The following DDR1 variants were observed in gnomAD, a reference collection of about 807,000 sequenced individuals.
DDR1 encodes discoidin domain receptor tyrosine kinase 1.
Under a neutral mutation model 97.4 loss-of-function variants are expected in DDR1, and 64 were observed. That is an observed-to-expected ratio of 0.66 (90% confidence interval 0.54 to 0.81). The LOEUF is 0.81. DDR1 is among the 30% of genes least tolerant of loss of function. The pLI, the probability that DDR1 is intolerant of heterozygous loss-of-function variation, is 0.00. For missense variants in DDR1, 990 were observed against 1,259.6 expected (o/e 0.79, Z 3.24); for synonymous variants, 458 against 503.7 (o/e 0.91, Z 1.21).
chr6:30,894,410 T>G lies in DDR1; in HGVS notation c.1348-96T>G, dbSNP rs1398804585. The G allele has an allele frequency of 1.6e-6, 2 of 1,266,346 alleles. No homozygotes were observed. Among genetic ancestry groups the G allele is most frequent in the East Asian group, 5.1e-5 (2 of 39,452 alleles). 78.4% of individuals were successfully genotyped at this position (1,266,346 alleles called of 1,614,324 possible). On this transcript the variant is annotated intron_variant, in intron 10 of 17. Coordinates refer to ENST00000376568, the MANE Select transcript of DDR1 (RefSeq NM_001297654.2). The surrounding 1 kb of genome is among the most constrained non-coding windows in gnomAD (Gnocchi z 5.7). ...AGTATCCACAGCTGTAGGGCTCTTGTGAGGGCTGAGGGAGGGAACGCAGGG... is the reference window on the plus strand; with the variant it reads ...AGTATCCACAGCTGTAGGGCTCTTGGGAGGGCTGAGGGAGGGAACGCAGGG...
In DDR1 at chr6:30,891,533, G is replaced by GTGTGTA; in HGVS notation, c.665+59_665+60insATGTGT. 1.2e-6 allele frequency: 1 copy of GTGTGTA among 800,662 alleles called. No individual in the cohort carries two copies. The highest frequency in any genetic ancestry group is 2.0e-6 in the Non-Finnish European group (1 of 494,636). 49.6% of individuals were successfully genotyped at this position (800,662 alleles called of 1,614,324 possible). A position where few individuals can be genotyped will look rare whatever the true frequency, so the allele number is the denominator to read the frequency against. ...TTTGGGGTGGGAGGGAGGACTGTGT[G>GTGTGTA]TGTGTGTGTGTGTGTGTGTGTGTGA... is the stretch of plus-strand genomic sequence containing the variant. On this transcript the variant is annotated intron_variant, in intron 6 of 17. Coordinates refer to ENST00000376568, the MANE Select transcript of DDR1 (RefSeq NM_001297654.2). This position sits in a 1 kb window ranked among gnomAD's most constrained non-coding sequence, Gnocchi z 5.3.
At position 30,888,934 on chromosome 6, in the gene DDR1, C is replaced by G. The variant is rs771371317; in HGVS notation, c.112C>G (p.Gln38Glu). 2.5e-6 allele frequency: 4 copies of G among 1,612,896 alleles called. No homozygotes were observed. The African/African-American group carries it at 5.3e-5, about 22-fold the overall frequency. The change falls in exon 3 of 18, where the codon CAG (glutamine) becomes GAG (glutamate). Residue 38 changes from glutamine (Q) to glutamate (E), a missense_variant. Transcript: ENST00000376568. The surrounding 1 kb of genome is among the most constrained non-coding windows in gnomAD (Gnocchi z 4.2). ...CAAGTGCCGCTATGCCCTGGGCATG[C>G]AGGACCGGACCATCCCAGACAGTGA... ...PAKCRYALGM[Q>E]DRTIPDSDIS...
At chr6:30,896,472 G>T (rs903436078) in intron 12 of DDR1, 149 bp from the exon 13 acceptor site, 2 of 986,242 alleles carry the variant, frequency 2.0e-6, no homozygotes, top group Non-Finnish European at 1.5e-6. Context: ...TGAGGTTGGC[G>T]CATGGAATAC....
chr6:30,890,625 T>C lies in DDR1; in HGVS notation c.418-348T>C. ...AATGAACAGAGGGAATGGGCTGAAA[T>C]GAAGGGGAAGCTGAGGCAGGGGTGC... is the stretch of plus-strand genomic sequence containing the variant. On this transcript the variant is annotated intron_variant, in intron 4 of 17. Coordinates refer to ENST00000376568, the MANE Select transcript of DDR1 (RefSeq NM_001297654.2). This position sits in a 1 kb window ranked among gnomAD's most constrained non-coding sequence, Gnocchi z 5.0. 1 of 254,182 alleles carries C rather than the reference T, an allele frequency of 3.9e-6. No individual in the cohort carries two copies. The highest frequency in any genetic ancestry group is 7.4e-5 in the East Asian group (1 of 13,490). 15.7% of individuals were successfully genotyped at this position (254,182 alleles called of 1,614,324 possible). A position where few individuals can be genotyped will look rare whatever the true frequency, so the allele number is the denominator to read the frequency against.
At chr6:30,887,247 T>G (rs1368476302) in intron 1 of DDR1, among the ~76,000 whole-genome samples, 1 of 152,224 alleles carries the variant, frequency 6.6e-6, no homozygotes, top group African/African-American at 2.4e-5. Context: ...AACAAGGAAT[T>G]GCCCAACCTT....
upstream of DDR1, chr6:30,883,648 G>C (rs1784685740): frequency 6.6e-6 from 1 of 152,522 alleles, no homozygotes; most frequent in East Asian, 1.9e-4. The surrounding 1 kb of genome is among the most constrained non-coding windows in gnomAD (Gnocchi z 4.9). Flanking sequence ...TACGGCCAGA[G>C]CTGGCTGGGC....
In DDR1 at chr6:30,896,799, C is replaced by G. The variant is rs771394288; in HGVS notation, c.1803C>G (p.Pro601=). ...CAGGGGCAGTCGGGGATGGGCCCCC[C>G]AGAGTGGATTTCCCTCGATCTCGAC... ...LPPGAVGDGP[P]RVDFPRSRLR... Residue 601 remains proline, a synonymous_variant, in exon 13 of 18, where the codon CCC becomes CCG. Coordinates refer to ENST00000376568, the MANE Select transcript of DDR1 (RefSeq NM_001297654.2). The G allele has an allele frequency of 6.3e-7, 1 of 1,589,454 alleles. No individual in the cohort carries two copies. The highest frequency in any genetic ancestry group is 8.6e-7 in the Non-Finnish European group (1 of 1,165,878).
In DDR1 at chr6:30,890,875, A is replaced by G; in HGVS notation, c.418-98A>G. 1.5e-6 allele frequency: 2 copies of G among 1,346,252 alleles called. No homozygotes were observed. The allele number at this position is 1,346,252 out of a possible 1,614,324, so 83.4% of individuals were successfully genotyped here. A position where few individuals can be genotyped will look rare whatever the true frequency, so the allele number is the denominator to read the frequency against. ...CGGTGCCACCCCTCATGGGTCTCTA[A>G]GTGGCCACTGTGGGCTGGGCCAGGG... On this transcript the variant is annotated intron_variant, in intron 4 of 17. Transcript: ENST00000376568. The surrounding 1 kb of genome is among the most constrained non-coding windows in gnomAD (Gnocchi z 5.0).
At chr6:30,883,191 T>A (rs932532173), upstream of DDR1, 26 of 152,382 alleles carry the variant, frequency 1.7e-4, no homozygotes, top group African/African-American at 6.3e-4. The surrounding 1 kb of genome is among the most constrained non-coding windows in gnomAD (Gnocchi z 4.9). Flanking sequence ...ACTTGTCTGG[T>A]TGGGACTTCG....
At position 30,899,493 on chromosome 6, in the gene DDR1, T is replaced by A; in HGVS notation, c.*197T>A. On this transcript the variant is annotated 3_prime_UTR_variant, in exon 18 of 18. Coordinates refer to ENST00000376568, the MANE Select transcript of DDR1 (RefSeq NM_001297654.2). ...TCTCCCCTTCCTGGACACACTCTCA[T>A]GTCCCCTTCCTGTTCTTCCTTCCTA... 1 of 642,358 alleles carries A rather than the reference T, an allele frequency of 1.6e-6. No individual in the cohort carries two copies. 39.8% of individuals were successfully genotyped at this position (642,358 alleles called of 1,614,324 possible).
rs1449766793 is a variant in DDR1 at position 30,899,525 on chromosome 6, CCT to C, written c.*230_*231del. The C allele has an allele frequency of 1.7e-6, 1 of 585,834 alleles. No homozygotes were observed. Among genetic ancestry groups the C allele is most frequent in the Non-Finnish European group, 2.9e-6 (1 of 339,108 alleles). The allele number at this position is 585,834 out of a possible 1,614,324, so 36.3% of individuals were successfully genotyped here. On this transcript the variant is annotated 3_prime_UTR_variant, in exon 18 of 18. Transcript: ENST00000376568. ...TTCCTGTTCTTCCTTCCTAGAAGCC[CCT>C]GTCGCCCACCCAGCTGGTCCTGTGG...
In DDR1 at chr6:30,888,366, C is replaced by T. The variant is rs561100697; in HGVS notation, c.-42-322C>T. 15 of 308,644 alleles carry T rather than the reference C, an allele frequency of 4.9e-5. No homozygotes were observed. Among genetic ancestry groups the T allele is most frequent in the Non-Finnish European group, 7.2e-5 (12 of 167,544 alleles). The allele number at this position is 308,644 out of a possible 1,614,324, so 19.1% of individuals were successfully genotyped here. A position where few individuals can be genotyped will look rare whatever the true frequency, so the allele number is the denominator to read the frequency against. On this transcript the variant is annotated intron_variant, in intron 1 of 17. Coordinates refer to ENST00000376568, the MANE Select transcript of DDR1 (RefSeq NM_001297654.2). This position sits in a 1 kb window ranked among gnomAD's most constrained non-coding sequence, Gnocchi z 4.2. ...AGCCGTTGTTTATGGGGATATTTTGCCCATTCCTGATTGGAGAAATGGGGC... is the reference window on the plus strand; with the variant it reads ...AGCCGTTGTTTATGGGGATATTTTGTCCATTCCTGATTGGAGAAATGGGGC...
In DDR1 at chr6:30,890,176, T is replaced by G. The variant is rs1787526089; in HGVS notation, c.417+746T>G. ...ACGTCACACCTAGCTGACACCCCCA[T>G]GCTGGCTTTCCACTCTGCCAGAACA... On this transcript the variant is annotated intron_variant, in intron 4 of 17. Coordinates refer to ENST00000376568, the MANE Select transcript of DDR1 (RefSeq NM_001297654.2). The surrounding 1 kb of genome is among the most constrained non-coding windows in gnomAD (Gnocchi z 5.0). 6.6e-6 allele frequency among the ~76,000 whole-genome samples: 1 copy of G among 152,152 alleles called. No individual in the cohort carries two copies. Among genetic ancestry groups the G allele is most frequent in the Non-Finnish European group, 1.5e-5 (1 of 68,016 alleles).
chr6:30,889,352 G>C lies in DDR1; in HGVS notation c.339G>C (p.Glu113Asp). 6.2e-7 allele frequency: 1 copy of C among 1,611,258 alleles called. No individual in the cohort carries two copies. The highest frequency in any genetic ancestry group is 8.5e-7 in the Non-Finnish European group (1 of 1,179,138). Reference sequence around the variant, plus strand: ...GGCATGCCGGGGGCCTGGGCAAGGAGTTCTCCCGGAGCTACCGGCTGCGTT... The same window carrying C: ...GGCATGCCGGGGGCCTGGGCAAGGACTTCTCCCGGAGCTACCGGCTGCGTT... ...QGRHAGGLGK[E>D]FSRSYRLRYS... Residue 113 changes from glutamate to aspartate, a missense_variant, in exon 4 of 18, where the codon GAG becomes GAC. Glu to Asp is a conservative substitution (Grantham distance 45). Transcript: ENST00000376568. The surrounding 1 kb of genome is among the most constrained non-coding windows in gnomAD (Gnocchi z 4.9).
rs201231834 is a variant in DDR1 at position 30,894,637 on chromosome 6, G to A, written c.1479G>A (p.Pro493=). Residue 493 remains proline (P), a synonymous_variant, in exon 11 of 18, where the codon CCG becomes CCA. Transcript: ENST00000376568. The surrounding 1 kb of genome is among the most constrained non-coding windows in gnomAD (Gnocchi z 5.7). ...AGGAGCCCCGGCCTCGTGGGAATCCGCCCCACTCCGCTCCCTGTGTCCCCA... is the reference window on the plus strand; with the variant it reads ...AGGAGCCCCGGCCTCGTGGGAATCCACCCCACTCCGCTCCCTGTGTCCCCA... ...PYQEPRPRGN[P]PHSAPCVPNG... 1.4e-4 allele frequency: 228 copies of A among 1,610,166 alleles called. 1 individual carries two copies. The East Asian group carries it at 4.0e-3, about 28-fold the overall frequency.
At chr6:30,881,572 C>T (rs772267140), upstream of DDR1, among the ~76,000 whole-genome samples, 1 of 152,152 alleles carries the variant, frequency 6.6e-6, no homozygotes, top group Non-Finnish European at 1.5e-5. Flanking sequence ...GATCTGTCTG[C>T]CCAGCTCTCA....
Position 30,891,070 on chromosome 6 carries a change from G to C in DDR1, c.515G>C (p.Arg172Pro). 1 of 1,613,050 alleles carries C rather than the reference G, an allele frequency of 6.2e-7. No homozygotes were observed. Among genetic ancestry groups the C allele is most frequent in the Non-Finnish European group, 8.5e-7 (1 of 1,180,032 alleles). The stretch of plus-strand genomic sequence containing the variant: ...GTTCGCTTCTACCCCCGGGCTGACC[G>C]GGTCATGAGCGTCTGTCTGCGGGTA... ...RLVRFYPRAD[R>P]VMSVCLRVEL... Residue 172 changes from arginine to proline, a missense_variant, in exon 5 of 18, where the codon CGG (arginine) becomes CCG (proline). Transcript: ENST00000376568. This position sits in a 1 kb window ranked among gnomAD's most constrained non-coding sequence, Gnocchi z 5.3.
At position 30,891,835 on chromosome 6, in the gene DDR1, AGAG is replaced by A. The variant is rs1788497501; in HGVS notation, c.666-163_666-161del. Among the ~76,000 whole-genome samples the A allele has an allele frequency of 6.6e-6, 1 of 151,832 alleles. No homozygotes were observed. The highest frequency in any genetic ancestry group is 1.5e-5 in the Non-Finnish European group (1 of 67,964). ...CCTGTAGTGCTGGGGTGGGGTGGAG[AGAG>A]GAGAAGGGCCAGCTGCATGAGTGTG... On this transcript the variant is annotated intron_variant, in intron 6 of 17. Coordinates refer to ENST00000376568, the MANE Select transcript of DDR1 (RefSeq NM_001297654.2). This position sits in a 1 kb window ranked among gnomAD's most constrained non-coding sequence, Gnocchi z 5.3.
At position 30,897,467 on chromosome 6, in the gene DDR1, C is replaced by T; in HGVS notation, c.2086C>T (p.Pro696Ser). Residue 696 changes from proline (P) to serine (S), a missense_variant, in exon 15 of 18, where the codon CCC becomes TCC. Transcript: ENST00000376568. The surrounding 1 kb of genome is among the most constrained non-coding windows in gnomAD (Gnocchi z 5.2). The part of the protein sequence containing the change: ...RLLGVCVQDD[P>S]LCMITDYMEN... ...GCTGGGCGTGTGTGTGCAGGACGAC[C>T]CCCTCTGCATGATTACTGACTACAT... The T allele has an allele frequency of 5.0e-6, 8 of 1,614,128 alleles. No individual in the cohort carries two copies. The highest frequency in any genetic ancestry group is 2.2e-5 in the East Asian group (1 of 44,876).
Sources: gnomAD v4.1 joint callset for allele counts (sites outside exome capture counted in the v4.1 genomes callset) on GRCh38, gnomAD v4.1.1 for gene constraint, Gnocchi (gnomAD v3.1) non-coding constraint, MANE v1.5 for transcripts, NCBI Gene and HGNC (gene_info 2026-07-23, HGNC 2026-07-21) for gene names.